Variants in ADAM17 observed in about 807,000 individuals in gnomAD.
The protein encoded by ADAM17 is disintegrin and metalloproteinase domain-containing protein 17.
A neutral mutation model predicts 96.7 loss-of-function variants in ADAM17; 39 were observed. The observed-to-expected ratio is 0.40, with a 90% confidence interval of 0.31 to 0.53. The LOEUF is 0.53. Ranked by LOEUF, ADAM17 falls within the 20% of genes least tolerant of loss-of-function variation. The pLI is 0.44. For synonymous variants in ADAM17, 344 were observed against 359.2 expected, an observed-to-expected ratio of 0.96 and a Z score of 0.48; for missense variants, 777 against 1,013.2, an observed-to-expected ratio of 0.77 and a Z score of 3.17.
At chr2:9,554,007 G>A (rs972514306) in intron 1 of ADAM17, among the ~76,000 whole-genome samples, 3 of 152,106 alleles carry the variant, frequency 2.0e-5, no homozygotes, top group Admixed American at 2.0e-4. Flanking sequence ...AGGTTGCAGT[G>A]AGCTGAGATC....
chr2:9,514,782 A>G (rs984554416), intron 10 of ADAM17, among the ~76,000 whole-genome samples: 5 of 151,666 alleles, frequency 3.3e-5, no homozygotes, highest in African/African-American at 2.4e-5. Flanking sequence ...GGCTGAGGCA[A>G]GAGAATGGCA....
chr2:9,498,487 T>C lies in ADAM17; in HGVS notation c.1649-1239A>G, dbSNP rs138623097. On this transcript the variant is annotated intron_variant, in intron 13 of 18. Transcript: ENST00000310823. ...CACTTTATGAAAGCAATGGACTATA[T>C]ATCCACAGCTCTGGACTGGCCTTTC... 3.0e-3 allele frequency among the ~76,000 whole-genome samples: 453 copies of C among 152,324 alleles called. 2 individuals are homozygous for C. Among genetic ancestry groups the C allele is most frequent in the African/African-American group, 0.011 (440 of 41,578 alleles).
chr2:9,529,682 C>A (rs1487219980), intron 4 of ADAM17, among the ~76,000 whole-genome samples: 2 of 152,040 alleles, frequency 1.3e-5, no homozygotes, highest in Non-Finnish European at 2.9e-5. Context: ...CATCAATATA[C>A]GAAAACTGCC....
At chr2:9,537,783 A>C (rs1665022495) in intron 2 of ADAM17, among the ~76,000 whole-genome samples, 1 of 151,614 alleles carries the variant, frequency 6.6e-6, no homozygotes, top group Non-Finnish European at 1.5e-5. Context: ...ATCTTGCAAA[A>C]AAGTAACCCA....
intron 8 of ADAM17, among the ~76,000 whole-genome samples, chr2:9,518,801 A>G (rs897929896): frequency 6.7e-6 from 1 of 149,776 alleles, no homozygotes; most frequent in African/African-American, 2.5e-5. Context: ...GTTTGAGAGG[A>G]TTTTTTTTTT....
At chr2:9,496,942 T>A (rs1419945387) in intron 14 of ADAM17, among the ~76,000 whole-genome samples, 172 bp downstream of exon 14, 1 of 152,184 alleles carries the variant, frequency 6.6e-6, no homozygotes, top group Non-Finnish European at 1.5e-5. Context: ...ATGGTGGATC[T>A]GCATGCAGAG....
chr2:9,548,281 G>C (rs576023133), intron 1 of ADAM17, among the ~76,000 whole-genome samples: 1 of 152,004 alleles, frequency 6.6e-6, no homozygotes, highest in Admixed American at 6.6e-5. Flanking sequence ...GCAGTGAGCC[G>C]AGATCATGCC....
intron 2 of ADAM17, 50 bp from the exon 3 acceptor site, chr2:9,536,878 C>A: frequency 6.3e-7 from 1 of 1,580,816 alleles, no homozygotes; most frequent in South Asian, 1.1e-5. Context: ...AATTTTAAGT[C>A]TCATTTTCAC....
At chr2:9,547,242 C>A (rs952089230) in intron 1 of ADAM17, among the ~76,000 whole-genome samples, 5 of 152,264 alleles carry the variant, frequency 3.3e-5, no homozygotes, top group African/African-American at 1.2e-4. Flanking sequence ...TCTTTTCCAC[C>A]AGACTCCATT....
Position 9,523,287 on chromosome 2 carries a change from T to G in ADAM17, c.805A>C (p.Asn269His). Residue 269 changes from asparagine (N) to histidine (H), a missense_variant, in exon 7 of 19, where the codon AAT (asparagine) becomes CAT (histidine). Coordinates refer to ENST00000310823, the MANE Select transcript of ADAM17 (RefSeq NM_003183.6). Reference sequence around the variant, plus strand: ...ATTCCATAGCCTTTAAAACCTGCATTATCCCATGAAGTGTTCCGATAGATG... The same window carrying G: ...ATTCCATAGCCTTTAAAACCTGCATGATCCCATGAAGTGTTCCGATAGATG... ...DDIYRNTSWD[N>H]AGFKGYGIQI... 6.2e-7 allele frequency: 1 copy of G among 1,613,122 alleles called. No individual in the cohort carries two copies. The highest frequency in any genetic ancestry group is 8.5e-7 in the Non-Finnish European group (1 of 1,179,466).
intron 17 of ADAM17, among the ~76,000 whole-genome samples, chr2:9,492,656 A>G (rs1481178484): frequency 6.6e-6 from 1 of 152,248 alleles, no homozygotes; most frequent in Non-Finnish European, 1.5e-5. Context: ...GCTTAAAAGT[A>G]TAAAATTCCT....
At chr2:9,536,672 G>C (rs1297211739) in intron 3 of ADAM17, 26 bp downstream of exon 3, 2 of 1,612,710 alleles carry the variant, frequency 1.2e-6, no homozygotes, top group Non-Finnish European at 1.7e-6. Context: ...CAGACACAGG[G>C]GCAAACCAAC....
intron 10 of ADAM17, among the ~76,000 whole-genome samples, chr2:9,511,825 G>C (rs993267500): frequency 1.3e-5 from 2 of 151,892 alleles, no homozygotes; most frequent in African/African-American, 4.8e-5. Context: ...ATAAAACCTA[G>C]CCAGGCATTG....
chr2:9,531,061 G>C (rs937287968), intron 4 of ADAM17, among the ~76,000 whole-genome samples: 1 of 152,086 alleles, frequency 6.6e-6, no homozygotes, highest in Non-Finnish European at 1.5e-5. Context: ...AGGTTCAAGC[G>C]ATTCTCCCAC....
intron 8 of ADAM17, 120 bp downstream of exon 8, chr2:9,521,083 G>A: frequency 1.4e-6 from 1 of 705,324 alleles, no homozygotes; most frequent in Non-Finnish European, 2.5e-6. Context: ...GGATCAGCTG[G>A]AGGAGACTGC....
chr2:9,497,044 G>A, intron 14 of ADAM17, 70 bp downstream of exon 14: 15 of 1,572,732 alleles, frequency 9.5e-6, no homozygotes, highest in Non-Finnish European at 1.2e-5. Flanking sequence ...ACCTCCAAAT[G>A]GAGGAAGGGA....
At chr2:9,524,453 G>A (rs1237086041) in intron 6 of ADAM17, among the ~76,000 whole-genome samples, 1 of 152,010 alleles carries the variant, frequency 6.6e-6, no homozygotes, top group Non-Finnish European at 1.5e-5. Context: ...TTTCACCACT[G>A]CACTCCGGCC....
intron 4 of ADAM17, among the ~76,000 whole-genome samples, chr2:9,528,226 T>G (rs1664604349): frequency 6.6e-6 from 1 of 152,236 alleles, no homozygotes; most frequent in Non-Finnish European, 1.5e-5. Flanking sequence ...TTTCAGAGGA[T>G]GCAGAAGAGA....
intron 1 of ADAM17, among the ~76,000 whole-genome samples, chr2:9,543,986 T>C (rs997637530): frequency 1.3e-5 from 2 of 152,208 alleles, no homozygotes; most frequent in African/African-American, 4.8e-5. Context: ...CTACATATTA[T>C]ACACAGGTAT....
Sources: allele counts gnomAD v4.1 joint callset (sites outside exome capture counted in the v4.1 genomes callset), GRCh38; gene constraint gnomAD v4.1.1; transcripts MANE v1.5; gene names NCBI Gene and HGNC (gene_info 2026-07-23, HGNC 2026-07-21).